Variants in SYT1 observed in about 807,000 individuals in gnomAD.
SYT1 encodes the protein synaptotagmin-1.
SYT1 carries 8 observed loss-of-function variants against 44.8 expected under a neutral mutation model. That is an observed-to-expected ratio of 0.18 (90% CI 0.10 to 0.32). The LOEUF is 0.32. Ranked by LOEUF, SYT1 falls within the 10% of genes least tolerant of loss-of-function variation. SYT1 has a pLI of 1.00. For synonymous variants in SYT1, 154 were observed against 188.8 expected (o/e 0.82, Z 1.51); for missense variants, 286 against 509.3 (o/e 0.56, Z 4.22).
intron 1 of SYT1, among the ~76,000 whole-genome samples, chr12:78,869,661 A>T (rs930451010): frequency 6.6e-6 from 1 of 152,052 alleles, no homozygotes; most frequent in Admixed American, 6.6e-5. Context: ...TAAAACCTAC[A>T]TTAAAGTAAA....
intron 2 of SYT1, among the ~76,000 whole-genome samples, chr12:79,013,234 G>GGTGTGTGT (rs140023138): frequency 2.0e-5 from 3 of 151,462 alleles, no homozygotes; most frequent in East Asian, 3.9e-4. Context: ...ATTGTGTGTT[G>GGTGTGTGT]GTGTGTGTGT....
intron 2 of SYT1, among the ~76,000 whole-genome samples, chr12:79,009,317 G>T (rs1286949712): frequency 6.6e-6 from 1 of 151,894 alleles, no homozygotes; most frequent in East Asian, 1.9e-4. Flanking sequence ...TGTTTGTTTT[G>T]TTTTGTTTTT....
At chr12:78,990,974 G>A (rs1869973848) in intron 2 of SYT1, among the ~76,000 whole-genome samples, 1 of 152,138 alleles carries the variant, frequency 6.6e-6, no homozygotes, top group South Asian at 2.1e-4. Flanking sequence ...GTGGCCTTAT[G>A]AGAATCTTTG....
chr12:79,104,986 G>A lies in SYT1; in HGVS notation c.-18+57624G>A, dbSNP rs529089346. On this transcript the variant is annotated intron_variant, in intron 3 of 10. Coordinates refer to ENST00000261205, the MANE Select transcript of SYT1 (RefSeq NM_005639.3). ...GAAACAATAACTAGAACAAAACGGC[G>A]GTGGGACAGAATGAGGTCAGATTAG... is the stretch of plus-strand genomic sequence containing the variant. Among the ~76,000 whole-genome samples the A allele has an allele frequency of 1.6e-4, 25 of 152,206 alleles. No homozygotes were observed. In the South Asian group the frequency reaches 1.9e-3, roughly 11 times the overall value.
At chr12:79,179,925 T>C (rs1335077289) in intron 3 of SYT1, among the ~76,000 whole-genome samples, 1 of 152,020 alleles carries the variant, frequency 6.6e-6, no homozygotes, top group Non-Finnish European at 1.5e-5. Context: ...TATGGCTCCA[T>C]AGTTCTTCAT....
At chr12:78,981,907 T>C (rs1869291652) in intron 2 of SYT1, among the ~76,000 whole-genome samples, 1 of 152,118 alleles carries the variant, frequency 6.6e-6, no homozygotes, top group Admixed American at 6.6e-5. Context: ...ATTTGGATAG[T>C]TGAAGGGAAC....
intron 3 of SYT1, among the ~76,000 whole-genome samples, chr12:79,207,457 G>A (rs7487067): frequency 0.77 from 117,380 of 152,056 alleles, 46,403 homozygotes; most frequent in African/African-American, 0.95. Flanking sequence ...GGTTTGCTGC[G>A]TCCATCAACC....
intron 4 of SYT1, among the ~76,000 whole-genome samples, chr12:79,245,492 A>T: frequency 6.7e-6 from 1 of 149,324 alleles, no homozygotes; most frequent in Non-Finnish European, 1.5e-5. Flanking sequence ...AAAAAAAAGA[A>T]AAGAAAAAAG....
intron 3 of SYT1, among the ~76,000 whole-genome samples, chr12:79,115,068 G>A (rs1879206354): frequency 6.6e-6 from 1 of 152,098 alleles, no homozygotes. Flanking sequence ...CAATTATTCT[G>A]TTATGCCTCA....
chr12:79,409,783 G>A (rs904073848), intron 9 of SYT1, among the ~76,000 whole-genome samples: 8 of 152,078 alleles, frequency 5.3e-5, no homozygotes, highest in Admixed American at 2.6e-4. Flanking sequence ...AGTAGGAGAG[G>A]ATTTTGTATG....
chr12:79,304,907 T>C (rs1432810998), intron 8 of SYT1, among the ~76,000 whole-genome samples: 1 of 152,152 alleles, frequency 6.6e-6, no homozygotes, highest in Non-Finnish European at 1.5e-5. Context: ...CATATTGATT[T>C]CCCTTTAAAC....
chr12:78,883,496 T>A (rs1172174950), intron 1 of SYT1, among the ~76,000 whole-genome samples: 1 of 149,412 alleles, frequency 6.7e-6, no homozygotes, highest in Non-Finnish European at 1.5e-5. Flanking sequence ...AATATGACTT[T>A]CTTTCTTTTC....
intron 3 of SYT1, among the ~76,000 whole-genome samples, chr12:79,207,460 C>T (rs953511153): frequency 1.3e-5 from 2 of 152,066 alleles, no homozygotes; most frequent in Non-Finnish European, 2.9e-5. Flanking sequence ...TTGCTGCGTC[C>T]ATCAACCCAT....
intron 3 of SYT1, among the ~76,000 whole-genome samples, chr12:79,093,356 A>T (rs2138012905): frequency 6.6e-6 from 1 of 151,886 alleles, no homozygotes; most frequent in Middle Eastern, 3.4e-3. Flanking sequence ...CTTCAAAATA[A>T]AATGCAGGAA....
chr12:79,319,627 C>T (rs73352941), intron 8 of SYT1, among the ~76,000 whole-genome samples: 1,600 of 152,302 alleles, frequency 0.011, 29 homozygotes, highest in African/African-American at 0.036. Context: ...CAACACCACA[C>T]AGTACCAAGG....
chr12:79,305,009 G>A (rs1880323943), intron 8 of SYT1, among the ~76,000 whole-genome samples: 1 of 152,028 alleles, frequency 6.6e-6, no homozygotes, highest in African/African-American at 2.4e-5. Flanking sequence ...TAGAATTTCT[G>A]TCACCAATTA....
intron 3 of SYT1, among the ~76,000 whole-genome samples, chr12:79,101,499 T>A (rs1431042657): frequency 6.6e-6 from 1 of 152,078 alleles, no homozygotes; most frequent in Non-Finnish European, 1.5e-5. Flanking sequence ...AGGTACAAAG[T>A]TTTAGAGAAG....
chr12:79,198,815 T>C (rs533896498), intron 3 of SYT1, among the ~76,000 whole-genome samples: 40 of 152,186 alleles, frequency 2.6e-4, no homozygotes, highest in Non-Finnish European at 5.0e-4. Context: ...TCATTCCTCT[T>C]CCTAAAAGAA....
chr12:79,255,787 GA>G (rs1266611090), intron 4 of SYT1, among the ~76,000 whole-genome samples: 2 of 152,164 alleles, frequency 1.3e-5, no homozygotes, highest in African/African-American at 4.8e-5. Flanking sequence ...TTTGTCTCAG[GA>G]GAGAGTTTTG....
Sources: allele counts gnomAD v4.1 joint callset (sites outside exome capture counted in the v4.1 genomes callset), GRCh38; gene constraint gnomAD v4.1.1; transcripts MANE v1.5; gene names NCBI Gene and HGNC (gene_info 2026-07-23, HGNC 2026-07-21).